Variants in PTPRZ1 observed in about 807,000 individuals in gnomAD.
The protein encoded by PTPRZ1 is protein tyrosine phosphatase receptor type Z1.
A neutral mutation model predicts 214.1 loss-of-function variants in PTPRZ1; 82 were observed. The ratio of observed to expected loss-of-function variants is 0.38; its 90% CI spans 0.32 to 0.46. The LOEUF is 0.46. Among genes scored for constraint, PTPRZ1 ranks in the 20% least tolerant of loss-of-function variants. The pLI is 1.00. For synonymous variants in PTPRZ1, 945 were observed against 987.9 expected (o/e 0.96, Z 0.81); for missense variants, 2,603 against 2,748.7 (o/e 0.95, Z 1.19).
intron 12 of PTPRZ1, 25 bp downstream of exon 12, chr7:122,013,914 A>G (rs1012227512): frequency 1.3e-6 from 2 of 1,541,488 alleles, no homozygotes; most frequent in African/African-American, 1.4e-5. Context: ...AGAAGGACAG[A>G]TTGAGGTGTG....
chr7:122,031,459 T>C lies in PTPRZ1; in HGVS notation c.5081-15T>C, dbSNP rs1799368988. ...TTAAATTATGCTCTCTAACACAATT[T>C]TTTTATTCACGTAGATGATGTCGGA... On this transcript the variant is annotated splice_polypyrimidine_tract_variant and intron_variant, in intron 14 of 29. Coordinates refer to ENST00000393386, the MANE Select transcript of PTPRZ1 (RefSeq NM_002851.3). 4 of 1,600,128 alleles carry C rather than the reference T, an allele frequency of 2.5e-6. No individual in the cohort carries two copies. In the South Asian group the frequency reaches 4.4e-5, roughly 18 times the overall value.
At chr7:121,954,168 C>T (rs907167287) in intron 2 of PTPRZ1, among the ~76,000 whole-genome samples, 5 of 152,130 alleles carry the variant, frequency 3.3e-5, no homozygotes, top group Non-Finnish European at 7.4e-5. Context: ...TCTAACTGAC[C>T]TATCTCCTTC....
At chr7:121,896,446 A>G (rs967047788) in intron 1 of PTPRZ1, among the ~76,000 whole-genome samples, 10 of 152,148 alleles carry the variant, frequency 6.6e-5, no homozygotes, top group African/African-American at 1.9e-4. Flanking sequence ...AACAACCTAA[A>G]TGTCCATTAA....
At chr7:122,015,290 C>T (rs773756163) in intron 12 of PTPRZ1, among the ~76,000 whole-genome samples, 13 of 152,094 alleles carry the variant, frequency 8.5e-5, no homozygotes, top group Non-Finnish European at 1.9e-4. Context: ...AAAATGCACT[C>T]ATTGTATAAA....
At chr7:121,875,266 C>A (rs1354545113) in intron 1 of PTPRZ1, among the ~76,000 whole-genome samples, 4 of 152,140 alleles carry the variant, frequency 2.6e-5, no homozygotes, top group Admixed American at 1.3e-4. Flanking sequence ...ATAAATTTGC[C>A]TATCCTGGAC....
In PTPRZ1 at chr7:121,914,249, A is replaced by G. The variant is rs535515049; in HGVS notation, c.59-13907A>G. On this transcript the variant is annotated intron_variant, in intron 1 of 29. Coordinates refer to ENST00000393386, the MANE Select transcript of PTPRZ1 (RefSeq NM_002851.3). The stretch of plus-strand genomic sequence containing the variant: ...ATCATAGGTGTTTACCACTGTCTTA[A>G]ATCACTGGTTTATGATTACTTGATA... 1.2e-4 allele frequency among the ~76,000 whole-genome samples: 18 copies of G among 150,612 alleles called. No individual in the cohort carries two copies. In the South Asian group the frequency reaches 3.7e-3, roughly 31 times the overall value.
chr7:122,042,279 ACT>A (rs763659101), intron 21 of PTPRZ1, among the ~76,000 whole-genome samples: 2 of 152,144 alleles, frequency 1.3e-5, no homozygotes, highest in South Asian at 2.1e-4. Flanking sequence ...TATTTGCCAC[ACT>A]CTGATACATA....
intron 8 of PTPRZ1, among the ~76,000 whole-genome samples, chr7:121,986,671 A>C (rs1488319794): frequency 6.6e-6 from 1 of 152,324 alleles, no homozygotes. Context: ...TATGACTGCC[A>C]TAGTAATAAT....
chr7:121,908,362 T>C, intron 1 of PTPRZ1: 1 of 258,640 alleles, frequency 3.9e-6, no homozygotes, highest in Non-Finnish European at 7.6e-6. Flanking sequence ...TCAATCCCTT[T>C]GGAAAAGAAT....
chr7:122,055,462 A>C (rs1302137841), intron 27 of PTPRZ1, among the ~76,000 whole-genome samples: 1 of 149,830 alleles, frequency 6.7e-6, no homozygotes, highest in African/African-American at 2.5e-5. Flanking sequence ...TACCTACCTA[A>C]ACTCTCCTAA....
intron 2 of PTPRZ1, 30 bp downstream of exon 2, chr7:121,928,251 A>G: frequency 6.6e-7 from 1 of 1,505,058 alleles, no homozygotes. Context: ...AATGAGATTT[A>G]GCAGAAACTT....
chr7:121,949,125 C>T (rs1257161416), intron 2 of PTPRZ1, among the ~76,000 whole-genome samples: 3 of 152,000 alleles, frequency 2.0e-5, no homozygotes, highest in Admixed American at 6.6e-5. Flanking sequence ...GGTGGGACAA[C>T]TCGAAGCAAA....
intron 6 of PTPRZ1, among the ~76,000 whole-genome samples, chr7:121,977,888 A>C (rs1406522061): frequency 6.6e-6 from 1 of 152,126 alleles, no homozygotes; most frequent in Non-Finnish European, 1.5e-5. Context: ...CTATACTTAA[A>C]AAAATGTGTA....
intron 1 of PTPRZ1, among the ~76,000 whole-genome samples, chr7:121,880,506 T>C (rs533990280): frequency 1.1e-4 from 17 of 152,290 alleles, no homozygotes; most frequent in African/African-American, 3.6e-4. Context: ...TGCCTATTTC[T>C]TGAATCCTAA....
At chr7:121,928,026 A>G (rs1795814699) in intron 1 of PTPRZ1, 130 bp from the exon 2 acceptor site, 1 of 693,174 alleles carries the variant, frequency 1.4e-6, no homozygotes, top group Non-Finnish European at 2.6e-6. Flanking sequence ...TGAGGTTGAG[A>G]GAACACATTG....
chr7:121,983,458 T>A (rs1797674587), intron 6 of PTPRZ1, among the ~76,000 whole-genome samples: 1 of 152,232 alleles, frequency 6.6e-6, no homozygotes, highest in African/African-American at 2.4e-5. Flanking sequence ...GATGTAAAGA[T>A]AAGTCATCTA....
intron 2 of PTPRZ1, among the ~76,000 whole-genome samples, chr7:121,954,508 T>C (rs1427225961): frequency 6.6e-6 from 1 of 152,210 alleles, no homozygotes; most frequent in Non-Finnish European, 1.5e-5. Flanking sequence ...CTTTTTTATC[T>C]AGAAAGCCTT....
In PTPRZ1 at chr7:122,013,212, C is replaced by T; in HGVS notation, c.4166C>T (p.Ser1389Leu). 6.2e-7 allele frequency: 1 copy of T among 1,614,142 alleles called. No individual in the cohort carries two copies. Among genetic ancestry groups the T allele is most frequent in the Non-Finnish European group, 8.5e-7 (1 of 1,180,022 alleles). ...CCCCACAGAGATGGTTCTGTAACCT[C>T]AACAAAGTTGCTGTTTCCTTCTAAG... ...VSPHRDGSVT[S>L]TKLLFPSKAT... Residue 1389 changes from serine to leucine, a missense_variant, in exon 12 of 30, where the codon TCA (serine) becomes TTA (leucine). Physicochemically the swap from Ser to Leu is moderately radical, Grantham distance 145. Around this residue, in one of 6 missense-constraint regions of PTPRZ1, gnomAD observed 1,913 missense variants for 1,914.3 expected, o/e 1.00. Coordinates refer to ENST00000393386, the MANE Select transcript of PTPRZ1 (RefSeq NM_002851.3).
At chr7:121,891,182 A>G (rs1362979298) in intron 1 of PTPRZ1, among the ~76,000 whole-genome samples, 2 of 152,024 alleles carry the variant, frequency 1.3e-5, no homozygotes, top group Non-Finnish European at 2.9e-5. Flanking sequence ...GTTCAATGAT[A>G]CTTTTTCATT....
Sources: allele counts gnomAD v4.1 joint callset (sites outside exome capture counted in the v4.1 genomes callset), GRCh38; gene constraint gnomAD v4.1.1; regional missense constraint gnomAD v4.1.1; transcripts MANE v1.5; gene names NCBI Gene and HGNC (gene_info 2026-07-23, HGNC 2026-07-21).